ALDOB: variants seen among roughly 807,000 people sequenced by gnomAD.
ALDOB encodes aldolase, fructose-bisphosphate B.
In ALDOB, 39 loss-of-function variants were observed where a neutral mutation model predicts 41.0. That is an observed-to-expected ratio of 0.95 (90% CI 0.74 to 1.24). The LOEUF is 1.24. Among genes scored for constraint, ALDOB ranks in the 50% most tolerant of loss-of-function variants. ALDOB has a pLI of 0.00. For missense variants in ALDOB, 530 were observed against 457.3 expected (o/e 1.16, Z -1.45); for synonymous variants, 175 against 168.8 (o/e 1.04, Z -0.28).
chr9:101,421,475 C>T lies in ALDOB; in HGVS notation c.*334G>A, dbSNP rs1358947499. ...TTCATAAGATGCACTTCTCTACACT[C>T]AGCTAATGAGGTGTTTCAATCAGCA... is the stretch of plus-strand genomic sequence containing the variant. On this transcript the variant is annotated 3_prime_UTR_variant, in exon 9 of 9. Coordinates refer to ENST00000647789, the MANE Select transcript of ALDOB (RefSeq NM_000035.4). 1 of 389,414 alleles carries T rather than the reference C, an allele frequency of 2.6e-6. No homozygotes were observed. Among genetic ancestry groups the T allele is most frequent in the Non-Finnish European group, 4.9e-6 (1 of 203,822 alleles). The allele number at this position is 389,414 out of a possible 1,614,324, so 24.1% of individuals were successfully genotyped here.
At position 101,430,799 on chromosome 9, in the gene ALDOB, A is replaced by T. The variant is rs781067490; in HGVS notation, c.89T>A (p.Ile30Asn). 9.3e-6 allele frequency: 15 copies of T among 1,613,846 alleles called. No homozygotes were observed. Among genetic ancestry groups the T allele is most frequent in the Non-Finnish European group, 1.2e-5 (14 of 1,179,692 alleles). ...AQSIVANGKGILAADESVGTM... is the reference protein window; with the variant it reads ...AQSIVANGKGNLAADESVGTM... ...ACCTACAGATTCATCTGCAGCCAGG[A>T]TCCCCTTTCCATTGGCAACAATGCT... Residue 30 changes from isoleucine to asparagine, a missense_variant, in exon 2 of 9, where the codon ATC becomes AAC. Transcript: ENST00000647789.
chr9:101,423,347 C>T (rs1018732254), intron 8 of ALDOB, among the ~76,000 whole-genome samples: 3 of 152,298 alleles, frequency 2.0e-5, no homozygotes, highest in East Asian at 1.9e-4. Context: ...CGCTATTTTG[C>T]GTTCTGAATC....
At chr9:101,431,733 C>G (rs1203780596) in intron 1 of ALDOB, among the ~76,000 whole-genome samples, 1 of 152,184 alleles carries the variant, frequency 6.6e-6, no homozygotes, top group Non-Finnish European at 1.5e-5. Context: ...AGAGCCCTCA[C>G]TTTGGGTGTT....
At chr9:101,432,613 C>A (rs2118370499) in intron 1 of ALDOB, among the ~76,000 whole-genome samples, 1 of 152,290 alleles carries the variant, frequency 6.6e-6, no homozygotes, top group Middle Eastern at 3.4e-3. Flanking sequence ...TATTGTCAAG[C>A]ACTCTGCTAA....
At position 101,421,816 on chromosome 9, in the gene ALDOB, G is replaced by A; in HGVS notation, c.1088C>T (p.Thr363Ile). ...GCTGGCGGGCATTGGACCCTAGTAG[G>A]TATAGCAGGCTGTGAAGAGCGACTG... ...STQSLFTACY[T>I]Y The change falls in exon 9 of 9, where the codon ACC becomes ATC. Residue 363 changes from threonine to isoleucine, a missense_variant. By Grantham distance (89) the Thr-to-Ile change is moderately conservative. Coordinates refer to ENST00000647789, the MANE Select transcript of ALDOB (RefSeq NM_000035.4). 8 of 1,613,906 alleles carry A rather than the reference G, an allele frequency of 5.0e-6. No homozygotes were observed. The highest frequency in any genetic ancestry group is 6.8e-6 in the Non-Finnish European group (8 of 1,179,930).
chr9:101,425,504 C>T lies in ALDOB; in HGVS notation c.748G>A (p.Ala250Thr). 6.2e-7 allele frequency: 1 copy of T among 1,614,154 alleles called. No individual in the cohort carries two copies. Among genetic ancestry groups the T allele is most frequent in the Non-Finnish European group, 8.5e-7 (1 of 1,180,040 alleles). ...TGGAGAGCTGTTACGGTGGCCATAG[C>T]TACTTGTTCTGGAGTATACTTCTTG... Reference protein sequence around the residue: ...CTKKYTPEQVAMATVTALHRT... With the variant: ...CTKKYTPEQVTMATVTALHRT... Residue 250 changes from alanine to threonine, a missense_variant, in exon 7 of 9, where the codon GCT (alanine) becomes ACT (threonine). Transcript: ENST00000647789.
chr9:101,427,435 G>T (rs1354886992), intron 5 of ALDOB, 47 bp downstream of exon 5: 1 of 1,610,062 alleles, frequency 6.2e-7, no homozygotes. Flanking sequence ...AAGCTCTGAA[G>T]AAAACTCTAG....
intron 3 of ALDOB, among the ~76,000 whole-genome samples, chr9:101,428,771 G>T (rs1831169218): frequency 1.3e-5 from 2 of 152,196 alleles, no homozygotes; most frequent in African/African-American, 4.8e-5. Context: ...GAGGTAAAGA[G>T]AATTAAGGAT....
At chr9:101,429,670 T>A in intron 3 of ALDOB, 85 bp downstream of exon 3, 1 of 1,226,302 alleles carries the variant, frequency 8.2e-7, no homozygotes, top group Non-Finnish European at 1.2e-6. Flanking sequence ...GAGGAGAATG[T>A]TCAGAGTGTT....
Position 101,429,845 on chromosome 9 carries a change from G to T in ALDOB, c.234C>A (p.Ile78=). The T allele has an allele frequency of 3.7e-6, 6 of 1,614,102 alleles. No individual in the cohort carries two copies. Among genetic ancestry groups the T allele is most frequent in the Non-Finnish European group, 4.2e-6 (5 of 1,180,028 alleles). ...SSINQSIGGV[I]LFHETLYQKD... ...TCTGGTAGAGGGTCTCGTGGAAAAGGATCACACCCCCGATGCTCTGGTTGA... is the reference window on the plus strand; with the variant it reads ...TCTGGTAGAGGGTCTCGTGGAAAAGTATCACACCCCCGATGCTCTGGTTGA... Residue 78 remains isoleucine, a synonymous_variant, in exon 3 of 9, where the codon ATC becomes ATA. Transcript: ENST00000647789.
In ALDOB at chr9:101,421,879, T is replaced by C; in HGVS notation, c.1025A>G (p.Gln342Arg). ...AMANCQAAKG[Q>R]YVHTGSSGAA... ...CCCAGAAGAACCCGTGTGAACATAC[T>C]GTCCTTTGGCCGCCTGGCAGTTAGC... Residue 342 changes from glutamine (Q) to arginine (R), a missense_variant, in exon 9 of 9, where the codon CAG becomes CGG. By Grantham distance (43) the Gln-to-Arg change is conservative. Transcript: ENST00000647789. 1.2e-6 allele frequency: 2 copies of C among 1,614,046 alleles called. No homozygotes were observed. Among genetic ancestry groups the C allele is most frequent in the East Asian group, 2.2e-5 (1 of 44,878 alleles).
intron 1 of ALDOB, among the ~76,000 whole-genome samples, chr9:101,433,195 A>C (rs989881988): frequency 1.3e-5 from 2 of 152,226 alleles, no homozygotes; most frequent in Non-Finnish European, 2.9e-5. Flanking sequence ...AAGCACTATA[A>C]AATGCAATGT....
chr9:101,422,928 A>G (rs1355600826), intron 8 of ALDOB, among the ~76,000 whole-genome samples: 1 of 152,116 alleles, frequency 6.6e-6, no homozygotes. Flanking sequence ...CAAAACCAAA[A>G]TCACCTTCAG....
chr9:101,424,892 T>G lies in ALDOB; in HGVS notation c.950A>C (p.Lys317Thr). The change falls in exon 8 of 9, where the codon AAG becomes ACG. Residue 317 changes from lysine to threonine, a missense_variant. Lys to Thr is a moderately conservative substitution (Grantham distance 78). Transcript: ENST00000647789. ...QASALAAWGG[K>T]AANKEATQEA... ...CTGGGTTGCCTCCTTGTTTGCAGCCTTGCCACCCCAGGCAGCCAGTGCACT... is the reference window on the plus strand; with the variant it reads ...CTGGGTTGCCTCCTTGTTTGCAGCCGTGCCACCCCAGGCAGCCAGTGCACT... The G allele has an allele frequency of 1.2e-6, 2 of 1,614,000 alleles. No homozygotes were observed. The highest frequency in any genetic ancestry group is 1.7e-6 in the Non-Finnish European group (2 of 1,180,026).
chr9:101,422,800 G>C (rs914904307), intron 8 of ALDOB, among the ~76,000 whole-genome samples: 3 of 152,158 alleles, frequency 2.0e-5, no homozygotes, highest in Non-Finnish European at 4.4e-5. Flanking sequence ...TAAATATTTG[G>C]AGTGAATACC....
chr9:101,429,661 A>G (rs1357152959), intron 3 of ALDOB, 94 bp downstream of exon 3: 38 of 1,139,472 alleles, frequency 3.3e-5, no homozygotes, highest in Non-Finnish European at 4.7e-5. Context: ...AAATTTGATG[A>G]GGAGAATGTT....
rs774491597 is a variant in ALDOB at position 101,427,596 on chromosome 9, A to C, written c.426T>G (p.Gly142=). The C allele has an allele frequency of 6.2e-7, 1 of 1,614,154 alleles. No homozygotes were observed. The highest frequency in any genetic ancestry group is 8.5e-7 in the Non-Finnish European group (1 of 1,180,032). Residue 142 remains glycine (G), a synonymous_variant, in exon 5 of 9, where the codon GGT becomes GGG. Coordinates refer to ENST00000647789, the MANE Select transcript of ALDOB (RefSeq NM_000035.4). The part of the protein sequence containing the change: ...SERCAQYKKD[G]VDFGKWRAVL... The stretch of plus-strand genomic sequence containing the variant: ...CAGCACGCCACTTCCCAAAGTCAAC[A>C]CCATCTTTCTTGTACTGAGCACAGC...
chr9:101,429,633 G>T, intron 3 of ALDOB, 122 bp downstream of exon 3: 1 of 962,200 alleles, frequency 1.0e-6, no homozygotes, highest in Non-Finnish European at 1.7e-6. Flanking sequence ...AGATGACGAT[G>T]GAAAAGGGTG....
At chr9:101,422,080 T>C (rs1319113841) in intron 8 of ALDOB, among the ~76,000 whole-genome samples, 176 bp from the exon 9 acceptor site, 1 of 152,224 alleles carries the variant, frequency 6.6e-6, no homozygotes, top group Non-Finnish European at 1.5e-5. Context: ...CTCCCCTTTT[T>C]ATCCCAGTTT....
Sources: allele counts gnomAD v4.1 joint callset (sites outside exome capture counted in the v4.1 genomes callset), GRCh38; gene constraint gnomAD v4.1.1; transcripts MANE v1.5; gene names NCBI Gene and HGNC (gene_info 2026-07-23, HGNC 2026-07-21).